Variants in LTBP1 observed in about 807,000 individuals in gnomAD.
LTBP1 encodes the protein latent transforming growth factor beta binding protein 1.
LTBP1 carries 129 observed loss-of-function variants against 207.6 expected under a neutral mutation model. The observed-to-expected ratio is 0.62, with a 90% CI of 0.54 to 0.72. The LOEUF (loss-of-function observed/expected upper bound fraction) is 0.72. Among genes scored for constraint, LTBP1 ranks in the 30% least tolerant of loss-of-function variants. LTBP1 has a pLI of 0.00. For synonymous variants in LTBP1, 963 were observed against 833.7 expected (o/e 1.16, Z -2.67); for missense variants, 2,281 against 2,217.2 (o/e 1.03, Z -0.58).
intron 10 of LTBP1, among the ~76,000 whole-genome samples, chr2:33,249,831 A>G (rs1308492028): frequency 1.3e-5 from 2 of 152,156 alleles, no homozygotes; most frequent in African/African-American, 4.8e-5. Context: ...GCCTACAGGC[A>G]CCCTTTATTA....
chr2:33,146,236 A>G (rs2083028358), intron 5 of LTBP1, among the ~76,000 whole-genome samples: 1 of 152,234 alleles, frequency 6.6e-6, no homozygotes, highest in Non-Finnish European at 1.5e-5. Flanking sequence ...CAGCAGCAAC[A>G]GCCACTAAGT....
chr2:33,338,039 A>T (rs1443925509), intron 24 of LTBP1, among the ~76,000 whole-genome samples: 3 of 152,232 alleles, frequency 2.0e-5, no homozygotes, highest in African/African-American at 7.2e-5. Flanking sequence ...TTTCTTGTAG[A>T]GGTCATTAAA....
At chr2:33,393,453 C>T (rs189708199) in intron 32 of LTBP1, among the ~76,000 whole-genome samples, 5 of 146,668 alleles carry the variant, frequency 3.4e-5, no homozygotes, top group African/African-American at 1.0e-4. Context: ...CCCCCAACCC[C>T]GCGAAAGGCC....
intron 2 of LTBP1, among the ~76,000 whole-genome samples, chr2:32,995,456 C>T (rs1319573366): frequency 6.6e-6 from 1 of 152,108 alleles, no homozygotes. Context: ...TGTCCAACTC[C>T]AGGATTTAAT....
At chr2:32,974,447 A>C (rs961799698) in intron 2 of LTBP1, among the ~76,000 whole-genome samples, 1 of 152,212 alleles carries the variant, frequency 6.6e-6, no homozygotes, top group East Asian at 1.9e-4. Flanking sequence ...TATTTTTTCT[A>C]TAGAGTTGTT....
chr2:33,038,678 G>A (rs569349357), intron 3 of LTBP1, among the ~76,000 whole-genome samples: 1 of 152,324 alleles, frequency 6.6e-6, no homozygotes, highest in Admixed American at 6.5e-5. Flanking sequence ...AAGAGTTCGA[G>A]TTCTGAGAAG....
At chr2:32,954,795 G>A (rs1677799522) in intron 2 of LTBP1, among the ~76,000 whole-genome samples, 1 of 152,114 alleles carries the variant, frequency 6.6e-6, no homozygotes, top group Non-Finnish European at 1.5e-5. Context: ...ACCCAAGGAT[G>A]GGTGGGCGGG....
chr2:33,318,363 C>T (rs942009986), intron 24 of LTBP1, among the ~76,000 whole-genome samples: 4 of 152,090 alleles, frequency 2.6e-5, no homozygotes, highest in Non-Finnish European at 5.9e-5. Context: ...CTCACGTAAC[C>T]GGTATTTACT....
chr2:32,969,159 C>G (rs1338369680), intron 2 of LTBP1, among the ~76,000 whole-genome samples: 2 of 150,954 alleles, frequency 1.3e-5, no homozygotes, highest in Non-Finnish European at 2.9e-5. Context: ...CTCCTGACCT[C>G]AAGTGATCCA....
At chr2:33,202,156 C>T (rs2089376178) in intron 7 of LTBP1, among the ~76,000 whole-genome samples, 1 of 151,980 alleles carries the variant, frequency 6.6e-6, no homozygotes, top group South Asian at 2.1e-4. Context: ...AAAATATGAG[C>T]TCATTGAAGT....
intron 3 of LTBP1, among the ~76,000 whole-genome samples, chr2:33,050,719 G>A (rs1459778821): frequency 4.0e-5 from 6 of 151,314 alleles, no homozygotes; most frequent in Non-Finnish European, 7.4e-5. Flanking sequence ...TATGATCCTG[G>A]CAAATTATTG....
chr2:33,282,211 A>G (rs945214042), intron 19 of LTBP1, among the ~76,000 whole-genome samples: 5 of 152,056 alleles, frequency 3.3e-5, no homozygotes, highest in African/African-American at 1.2e-4. Context: ...AAAGTCCCAC[A>G]TTTAGCCCCT....
chr2:33,263,253 C>A (rs534347313), intron 14 of LTBP1, 41 bp from the exon 15 acceptor site: 5 of 1,199,572 alleles, frequency 4.2e-6, no homozygotes, highest in South Asian at 1.2e-5. Context: ...ATGCACATAA[C>A]GGGCTTTAAT....
intron 32 of LTBP1, among the ~76,000 whole-genome samples, chr2:33,390,215 T>G (rs1199573564): frequency 6.6e-6 from 1 of 152,190 alleles, no homozygotes; most frequent in Admixed American, 6.5e-5. Flanking sequence ...CCTGGATTAG[T>G]GAGCACAGCT....
chr2:33,152,874 T>C (rs2083652479), intron 5 of LTBP1, among the ~76,000 whole-genome samples: 1 of 152,244 alleles, frequency 6.6e-6, no homozygotes, highest in Non-Finnish European at 1.5e-5. Context: ...TAGCTGATAA[T>C]TGATTGTGAA....
chr2:33,214,685 G>A (rs368602100), intron 7 of LTBP1, among the ~76,000 whole-genome samples: 4 of 152,220 alleles, frequency 2.6e-5, no homozygotes, highest in South Asian at 2.1e-4. Context: ...GGCACACAAC[G>A]TCACTCATTG....
At chr2:32,965,392 G>A (rs1679796494) in intron 2 of LTBP1, among the ~76,000 whole-genome samples, 1 of 151,968 alleles carries the variant, frequency 6.6e-6, no homozygotes, top group African/African-American at 2.4e-5. Flanking sequence ...ATATTCCTTG[G>A]GTTTTGGCAA....
chr2:33,196,038 G>A lies in LTBP1; in HGVS notation c.1701+7187G>A, dbSNP rs147701934. The stretch of plus-strand genomic sequence containing the variant: ...TAAGGTATGTACTTTAAAGCATAGC[G>A]CTACTGCAAACTTAATAGACGACAG... On this transcript the variant is annotated intron_variant, in intron 7 of 33. Transcript: ENST00000404816. Among the ~76,000 whole-genome samples the A allele has an allele frequency of 3.6e-3, 548 of 152,276 alleles. 5 individuals are homozygous for A. Among genetic ancestry groups the A allele is most frequent in the African/African-American group, 0.011 (475 of 41,558 alleles).
intron 4 of LTBP1, among the ~76,000 whole-genome samples, chr2:33,122,428 C>T (rs886965484): frequency 6.6e-6 from 1 of 152,194 alleles, no homozygotes; most frequent in Non-Finnish European, 1.5e-5. Context: ...CTTCTGGCCA[C>T]AGTGGACTGG....
Sources: allele counts gnomAD v4.1 joint callset (sites outside exome capture counted in the v4.1 genomes callset), GRCh38; gene constraint gnomAD v4.1.1; transcripts MANE v1.5; gene names NCBI Gene and HGNC (gene_info 2026-07-23, HGNC 2026-07-21).